Variants in DIPK2A observed in about 807,000 individuals in gnomAD.
The protein encoded by DIPK2A is divergent protein kinase domain 2A, also known as Golgi Protein of 49 kDa.
DIPK2A carries 27 observed loss-of-function variants against 39.0 expected under a neutral mutation model. That is an observed-to-expected ratio of 0.69 (90% CI 0.51 to 0.96). DIPK2A has a LOEUF of 0.96. DIPK2A is among the 40% of genes least tolerant of loss of function. The probability of loss-of-function intolerance (pLI) is 0.00; values close to 1 mark genes in which losing one functional copy is unlikely to be tolerated. For missense variants in DIPK2A, 528 were observed against 571.3 expected (o/e 0.92, Z 0.77); for synonymous variants, 298 against 240.8 (o/e 1.24, Z -2.20).
intron 1 of DIPK2A, among the ~76,000 whole-genome samples, chr3:143,976,650 T>G (rs1372570318): frequency 3.3e-5 from 5 of 151,334 alleles, no homozygotes. Context: ...GTAGTGAAGA[T>G]GGTCTTGTTT....
rs2087677494 is a variant in DIPK2A, at chr3:143,972,890, C to T, written c.558C>T (p.Thr186=). The change falls in exon 1 of 3, where the codon ACC becomes ACT. Residue 186 remains threonine (T), a synonymous_variant. Coordinates refer to ENST00000315691, the MANE Select transcript of DIPK2A (RefSeq NM_173552.5). ...GCCTGGTGCGCCGCTACGCGGAGAC[C>T]AAGGACTCGGGCAGCTTCCTGCTTC... ...LDRLVRRYAE[T]KDSGSFLLRN... The T allele has an allele frequency of 6.3e-7, 1 of 1,581,070 alleles. No individual in the cohort carries two copies. The highest frequency in any genetic ancestry group is 8.6e-7 in the Non-Finnish European group (1 of 1,165,710).
chr3:143,973,305 G>C (rs902393635), intron 1 of DIPK2A: 2 of 1,526,734 alleles, frequency 1.3e-6, no homozygotes, highest in Non-Finnish European at 1.8e-6. Flanking sequence ...GTTTCCTTCC[G>C]CTCTCTACCC....
intron 1 of DIPK2A, 142 bp from the exon 2 acceptor site, chr3:143,985,401 A>G: frequency 2.8e-6 from 2 of 704,964 alleles, no homozygotes; most frequent in Non-Finnish European, 4.7e-6. Flanking sequence ...GGAAAAAATG[A>G]AGTTAATCTC....
Position 143,992,355 on chromosome 3 carries a change from C to CTT in DIPK2A, c.*2516_*2517dup, listed in dbSNP as rs773366633. On this transcript the variant is annotated 3_prime_UTR_variant, in exon 3 of 3. Coordinates refer to ENST00000315691, the MANE Select transcript of DIPK2A (RefSeq NM_173552.5). Reference sequence around the variant, plus strand: ...CTTTTAATGATCTTAATAAAGAATACTTTAAGAATCACACTTTTCAGACTA... The same window carrying CTT: ...CTTTTAATGATCTTAATAAAGAATACTTTTTAAGAATCACACTTTTCAGACTA... The CTT allele has an allele frequency of 6.6e-5, 10 of 152,600 alleles. No individual in the cohort carries two copies. In the East Asian group the frequency reaches 1.9e-3, roughly 29 times the overall value. The allele number at this position is 152,600 out of a possible 1,614,324, so 9.5% of individuals were successfully genotyped here. A position where few individuals can be genotyped will look rare whatever the true frequency, so the allele number is the denominator to read the frequency against.
At position 143,973,150 on chromosome 3, in the gene DIPK2A, CT is replaced by C. The variant is rs1576804402; in HGVS notation, c.657+162del. Reference sequence around the variant, plus strand: ...GGGCGTCTCCGGGGGAGCCCCGGGGCTGTGCAGGGAGGCCGAGGGCGACCCC... The same window carrying C: ...GGGCGTCTCCGGGGGAGCCCCGGGGCGTGCAGGGAGGCCGAGGGCGACCCC... On this transcript the variant is annotated intron_variant, in intron 1 of 2. Coordinates refer to ENST00000315691, the MANE Select transcript of DIPK2A (RefSeq NM_173552.5). 3 of 1,127,134 alleles carry C rather than the reference CT, an allele frequency of 2.7e-6. No individual in the cohort carries two copies. The African/African-American group carries it at 4.6e-5, about 17-fold the overall frequency. 69.8% of individuals were successfully genotyped at this position (1,127,134 alleles called of 1,614,324 possible). A position where few individuals can be genotyped will look rare whatever the true frequency, so the allele number is the denominator to read the frequency against.
chr3:143,972,758 C>T lies in DIPK2A; in HGVS notation c.426C>T (p.Pro142=), dbSNP rs568934884. The change falls in exon 1 of 3, where the codon CCC becomes CCT. Residue 142 remains proline, a synonymous_variant. Coordinates refer to ENST00000315691, the MANE Select transcript of DIPK2A (RefSeq NM_173552.5). ...GCTGCGACCTGCTGCAGGCCATGCC[C>T]CGGACCGAGTTCGCGCGCCTCAACG... The part of the protein sequence containing the change: ...RPRCDLLQAM[P]RTEFARLNGD... 4 of 1,576,942 alleles carry T rather than the reference C, an allele frequency of 2.5e-6. No individual in the cohort carries two copies. Among genetic ancestry groups the T allele is most frequent in the East Asian group, 2.3e-5 (1 of 43,472 alleles).
rs1341767507 is a variant in DIPK2A at position 143,972,615 on chromosome 3, C to G, written c.283C>G (p.Gln95Glu). 1 of 1,612,038 alleles carries G rather than the reference C, an allele frequency of 6.2e-7. No individual in the cohort carries two copies. Among genetic ancestry groups the G allele is most frequent in the Non-Finnish European group, 8.5e-7 (1 of 1,179,652 alleles). Residue 95 changes from glutamine to glutamate, a missense_variant, in exon 1 of 3, where the codon CAG becomes GAG. Around this residue, in one of 2 missense-constraint regions of DIPK2A, gnomAD observed 309 missense variants for 289.8 expected, o/e 1.07. Coordinates refer to ENST00000315691, the MANE Select transcript of DIPK2A (RefSeq NM_173552.5). ...FLNVKNVYFAQYGEPREGGRR... is the reference protein window; with the variant it reads ...FLNVKNVYFAEYGEPREGGRR... ...CAACGTGAAGAACGTGTACTTCGCG[C>G]AGTACGGCGAGCCCCGCGAGGGCGG...
chr3:143,972,626 G>A lies in DIPK2A; in HGVS notation c.294G>A (p.Glu98=). 6.2e-7 allele frequency: 1 copy of A among 1,611,728 alleles called. No individual in the cohort carries two copies. Among genetic ancestry groups the A allele is most frequent in the Non-Finnish European group, 8.5e-7 (1 of 1,179,530 alleles). The change falls in exon 1 of 3, where the codon GAG becomes GAA. Residue 98 remains glutamate (E), a synonymous_variant. Coordinates refer to ENST00000315691, the MANE Select transcript of DIPK2A (RefSeq NM_173552.5). ...ACGTGTACTTCGCGCAGTACGGCGA[G>A]CCCCGCGAGGGCGGCCGCCGCCGAG... ...VKNVYFAQYG[E]PREGGRRRVV...
At chr3:143,973,567 G>T in intron 1 of DIPK2A, 1 of 1,537,818 alleles carries the variant, frequency 6.5e-7, no homozygotes, top group African/African-American at 1.4e-5. Context: ...GTCGGGGTGG[G>T]TTTAATCTGT....
chr3:143,973,228 G>T, intron 1 of DIPK2A: 1 of 1,118,922 alleles, frequency 8.9e-7, no homozygotes, highest in Non-Finnish European at 1.3e-6. Context: ...TTTCGGATTT[G>T]ACTGTGGATC....
At position 143,990,429 on chromosome 3, in the gene DIPK2A, T is replaced by G. The variant is rs1287882392; in HGVS notation, c.*588T>G. 1.4e-4 allele frequency: 21 copies of G among 150,944 alleles called. No individual in the cohort carries two copies. Among genetic ancestry groups the G allele is most frequent in the Non-Finnish European group, 1.9e-4 (13 of 67,518 alleles). The allele number at this position is 150,944 out of a possible 1,614,324, so 9.4% of individuals were successfully genotyped here. A position where few individuals can be genotyped will look rare whatever the true frequency, so the allele number is the denominator to read the frequency against. On this transcript the variant is annotated 3_prime_UTR_variant, in exon 3 of 3. Transcript: ENST00000315691. ...GCAGGATTCCCAGGTTTACTGTGTT[T>G]TTTTTTTTTTTTTTTAAAGAAAGCT...
chr3:143,989,627 A>G lies in DIPK2A; in HGVS notation c.1079A>G (p.Tyr360Cys), dbSNP rs752004233. ...LCARATVDHN[Y>C]YAVCQNLLSR... is the part of the protein sequence containing the mutation. ...GCTCGTGCCACTGTGGACCACAATT[A>G]CTATGCTGTTTGTCAGAACCTCTTA... The change falls in exon 3 of 3, where the codon TAC (tyrosine) becomes TGC (cysteine). Residue 360 changes from tyrosine (Y) to cysteine (C), a missense_variant. By Grantham distance (194) the Tyr-to-Cys change is radical. This residue lies in a region of DIPK2A where 219 missense variants were observed against 281.5 expected (regional missense o/e 0.78). Transcript: ENST00000315691. The G allele has an allele frequency of 6.2e-7, 1 of 1,614,224 alleles. No individual in the cohort carries two copies. Among genetic ancestry groups the G allele is most frequent in the South Asian group, 1.1e-5 (1 of 91,086 alleles).
rs2087668038 is a variant in DIPK2A at position 143,972,554 on chromosome 3, C to A, written c.222C>A (p.Phe74Leu). The A allele has an allele frequency of 1.2e-6, 2 of 1,612,378 alleles. No homozygotes were observed. Among genetic ancestry groups the A allele is most frequent in the South Asian group, 2.2e-5 (2 of 91,034 alleles). ...GCTTCCTCAACGGGCAGGTGGTATTCGAGGCGTGGGGCCGCTTGCGCCTGC... is the reference window on the plus strand; with the variant it reads ...GCTTCCTCAACGGGCAGGTGGTATTAGAGGCGTGGGGCCGCTTGCGCCTGC... ...CRRFLNGQVV[F>L]EAWGRLRLLD... The change falls in exon 1 of 3, where the codon TTC (phenylalanine) becomes TTA (leucine). Residue 74 changes from phenylalanine to leucine, a missense_variant. Physicochemically the swap from Phe to Leu is conservative, Grantham distance 22. Around this residue, in one of 2 missense-constraint regions of DIPK2A, gnomAD observed 309 missense variants for 289.8 expected, o/e 1.07. Coordinates refer to ENST00000315691, the MANE Select transcript of DIPK2A (RefSeq NM_173552.5).
In DIPK2A at chr3:143,985,730, C is replaced by T. The variant is rs536486981; in HGVS notation, c.845C>T (p.Ala282Val). The T allele has an allele frequency of 6.2e-7, 1 of 1,614,008 alleles. No homozygotes were observed. The change falls in exon 2 of 3, where the codon GCA becomes GTA. Residue 282 changes from alanine to valine, a missense_variant. Coordinates refer to ENST00000315691, the MANE Select transcript of DIPK2A (RefSeq NM_173552.5). Reference sequence around the variant, plus strand: ...CTTACAAACAATGACTTTGAATTTGCACTCTACCTCCTGGACGTCAGCTTT... The same window carrying T: ...CTTACAAACAATGACTTTGAATTTGTACTCTACCTCCTGGACGTCAGCTTT... Reference protein sequence around the residue: ...EQLTNNDFEFALYLLDVSFDN... With the variant: ...EQLTNNDFEFVLYLLDVSFDN...
chr3:143,988,409 A>G (rs957311453), intron 2 of DIPK2A, among the ~76,000 whole-genome samples: 5 of 151,886 alleles, frequency 3.3e-5, no homozygotes, highest in Non-Finnish European at 5.9e-5. Context: ...CTGTGTATAT[A>G]TGTGTTTTTC....
intron 2 of DIPK2A, among the ~76,000 whole-genome samples, chr3:143,987,494 C>T (rs563559416): frequency 6.6e-6 from 1 of 152,192 alleles, no homozygotes. Flanking sequence ...AAGTCTCTGT[C>T]TGTTCATTTA....
intron 1 of DIPK2A, among the ~76,000 whole-genome samples, chr3:143,981,263 G>A (rs1394660906): frequency 2.6e-5 from 4 of 152,146 alleles, no homozygotes; most frequent in Admixed American, 6.5e-5. Context: ...ATTTTGACAT[G>A]TATTTGTTTT....
intron 1 of DIPK2A, among the ~76,000 whole-genome samples, chr3:143,979,679 GTTTT>G (rs945311884): frequency 1.0e-4 from 15 of 150,448 alleles, no homozygotes; most frequent in African/African-American, 3.7e-4. Flanking sequence ...CAAGTGAAGT[GTTTT>G]TTGTTTTGTG....
Position 143,989,961 on chromosome 3 carries a change from C to G in DIPK2A, c.*120C>G. On this transcript the variant is annotated 3_prime_UTR_variant, in exon 3 of 3. Coordinates refer to ENST00000315691, the MANE Select transcript of DIPK2A (RefSeq NM_173552.5). ...TTACATTCAGAGGATGATAAACTTG[C>G]ACTGATAGATCTTAATGTTAACATC... 1.4e-6 allele frequency: 1 copy of G among 696,570 alleles called. No individual in the cohort carries two copies. Among genetic ancestry groups the G allele is most frequent in the South Asian group, 1.9e-5 (1 of 51,412 alleles). The allele number at this position is 696,570 out of a possible 1,614,324, so 43.1% of individuals were successfully genotyped here.
Sources: allele counts gnomAD v4.1 joint callset (sites outside exome capture counted in the v4.1 genomes callset), GRCh38; gene constraint gnomAD v4.1.1; regional missense constraint gnomAD v4.1.1; transcripts MANE v1.5; gene names NCBI Gene and HGNC (gene_info 2026-07-23, HGNC 2026-07-21).